The following SNX30 variants were observed in gnomAD, a reference collection of about 807,000 sequenced individuals.
SNX30 encodes sorting nexin-30.
A neutral mutation model predicts 46.4 loss-of-function variants in SNX30; 24 were observed. The ratio of observed to expected loss-of-function variants is 0.52; its 90% confidence interval spans 0.37 to 0.73. The LOEUF (loss-of-function observed/expected upper bound fraction) is 0.73, where lower values mean the gene tolerates loss of function less well. SNX30 is among the 30% of genes least tolerant of loss of function. The probability of loss-of-function intolerance (pLI) is 0.00; values close to 1 mark genes in which losing one functional copy is unlikely to be tolerated. For synonymous variants in SNX30, 189 were observed against 211.5 expected, an observed-to-expected ratio of 0.89 and a Z score of 0.92; for missense variants, 533 against 555.7, an observed-to-expected ratio of 0.96 and a Z score of 0.41.
intron 1 of SNX30, among the ~76,000 whole-genome samples, chr9:112,788,676 G>A (rs1291279536): frequency 6.6e-6 from 1 of 152,162 alleles, no homozygotes. Context: ...CTAGACCCTT[G>A]TGTGATTTTG....
chr9:112,816,646 A>G (rs895845350), intron 2 of SNX30, among the ~76,000 whole-genome samples: 9 of 152,214 alleles, frequency 5.9e-5, no homozygotes, highest in Non-Finnish European at 1.0e-4. Context: ...TTTTGATGCT[A>G]GAGCTGTTCA....
chr9:112,827,840 T>C (rs1056271629), intron 3 of SNX30, among the ~76,000 whole-genome samples: 4 of 152,198 alleles, frequency 2.6e-5, no homozygotes, highest in Admixed American at 2.6e-4. Flanking sequence ...ATTTACCACT[T>C]ACCGTATTAA....
chr9:112,778,783 T>C (rs891152486), intron 1 of SNX30, among the ~76,000 whole-genome samples: 14 of 152,288 alleles, frequency 9.2e-5, no homozygotes, highest in Non-Finnish European at 1.9e-4. Flanking sequence ...GTCCATGCTT[T>C]CTCACACCTT....
At chr9:112,864,142 TTTAATGTAGGGCTTTGG>T in intron 7 of SNX30, 88 bp from the exon 8 acceptor site, 1 of 1,253,684 alleles carries the variant, frequency 8.0e-7, no homozygotes, top group Admixed American at 2.0e-5. Flanking sequence ...TTGATAGCAT[TTTAATGTAGGGCTTTGG>T]CCTTTGACAA....
intron 2 of SNX30, 117 bp downstream of exon 2, chr9:112,805,084 C>CA: frequency 1.6e-6 from 1 of 607,444 alleles, no homozygotes; most frequent in Non-Finnish European, 2.7e-6. Flanking sequence ...ACCTTGATTG[C>CA]AATTGTGAGT....
downstream of SNX30, among the ~76,000 whole-genome samples, chr9:112,883,927 C>T (rs1204256318): frequency 1.3e-5 from 2 of 152,164 alleles, no homozygotes; most frequent in Non-Finnish European, 1.5e-5. Flanking sequence ...AAACTCCTGA[C>T]CTTATGATCC....
At chr9:112,776,967 C>T (rs2131371211) in intron 1 of SNX30, among the ~76,000 whole-genome samples, 1 of 152,230 alleles carries the variant, frequency 6.6e-6, no homozygotes, top group East Asian at 1.9e-4. Context: ...TGCTCACCGC[C>T]CCCTGCCTTC....
intron 1 of SNX30, among the ~76,000 whole-genome samples, chr9:112,768,653 T>TA: frequency 1.3e-5 from 1 of 79,644 alleles, no homozygotes; most frequent in South Asian, 4.3e-4. Context: ...TCTTCTTTTT[T>TA]TTTTTTTTTT....
intron 1 of SNX30, among the ~76,000 whole-genome samples, chr9:112,784,761 C>A (rs1839894687): frequency 6.6e-6 from 1 of 152,154 alleles, no homozygotes; most frequent in Non-Finnish European, 1.5e-5. Flanking sequence ...GAATCTAAAC[C>A]CGGGTCTCTT....
intron 1 of SNX30, among the ~76,000 whole-genome samples, chr9:112,758,674 T>C (rs1839390390): frequency 6.6e-6 from 1 of 152,028 alleles, no homozygotes; most frequent in Non-Finnish European, 1.5e-5. Context: ...GAGGTTACAG[T>C]TGTGAGCCAC....
chr9:112,855,394 G>C (rs1841106426), intron 7 of SNX30, among the ~76,000 whole-genome samples: 1 of 152,152 alleles, frequency 6.6e-6, no homozygotes, highest in South Asian at 2.1e-4. Flanking sequence ...AGATCCGAGG[G>C]AGTCTGGGGG....
At chr9:112,773,451 G>A (rs948105301) in intron 1 of SNX30, among the ~76,000 whole-genome samples, 3 of 151,720 alleles carry the variant, frequency 2.0e-5, no homozygotes, top group African/African-American at 4.8e-5. Context: ...GTGCAGTGGC[G>A]TGATTGTGGC....
chr9:112,814,208 C>T (rs1840362438), intron 2 of SNX30, among the ~76,000 whole-genome samples: 1 of 152,122 alleles, frequency 6.6e-6, no homozygotes. Context: ...AGAACTTACA[C>T]AAATGAAAAA....
intron 1 of SNX30, among the ~76,000 whole-genome samples, chr9:112,762,266 G>T (rs1013019127): frequency 3.3e-5 from 5 of 152,080 alleles, no homozygotes; most frequent in African/African-American, 1.2e-4. Flanking sequence ...AGTGGAAAAG[G>T]TGTTTGGGGG....
intron 3 of SNX30, among the ~76,000 whole-genome samples, chr9:112,829,219 G>T (rs1182357673): frequency 6.6e-6 from 1 of 151,962 alleles, no homozygotes; most frequent in Non-Finnish European, 1.5e-5. Context: ...GACTATTTGT[G>T]TACAAAATTT....
chr9:112,751,049 C>T lies in SNX30; in HGVS notation c.48C>T (p.Ser16=). 6.7e-7 allele frequency: 1 copy of T among 1,489,570 alleles called. No homozygotes were observed. Among genetic ancestry groups the T allele is most frequent in the Non-Finnish European group, 8.9e-7 (1 of 1,125,682 alleles). 92.3% of individuals were successfully genotyped at this position (1,489,570 alleles called of 1,614,324 possible). A position where few individuals can be genotyped will look rare whatever the true frequency, so the allele number is the denominator to read the frequency against. Residue 16 remains serine, a synonymous_variant, in exon 1 of 9, where the codon TCC becomes TCT. Coordinates refer to ENST00000374232, the MANE Select transcript of SNX30 (RefSeq NM_001012994.2). The part of the protein sequence containing the change: ...PKALPSTGPH[S]LRDMPHPLAG... ...CCCTGCCGTCCACGGGGCCCCACTC[C>T]CTGCGCGACATGCCGCACCCGCTGG...
chr9:112,850,764 T>G (rs976829546), intron 6 of SNX30, 95 bp from the exon 7 acceptor site: 4 of 866,772 alleles, frequency 4.6e-6, no homozygotes, highest in Admixed American at 2.2e-5. Flanking sequence ...AGGCCTTGAT[T>G]TGGGGAGGCG....
chr9:112,850,773 C>T (rs1841010491), intron 6 of SNX30, 86 bp from the exon 7 acceptor site: 14 of 950,012 alleles, frequency 1.5e-5, no homozygotes, highest in African/African-American at 3.2e-5. Context: ...TTTGGGGAGG[C>T]GTGGGGGAAA....
intron 1 of SNX30, among the ~76,000 whole-genome samples, chr9:112,798,146 A>C (rs1457770696): frequency 2.1e-4 from 4 of 19,116 alleles, no homozygotes; most frequent in Non-Finnish European, 2.1e-4. Flanking sequence ...TTTTTATTAT[A>C]CTCTAAGTTT....
Sources: gnomAD v4.1 joint callset for allele counts (sites outside exome capture counted in the v4.1 genomes callset) on GRCh38, gnomAD v4.1.1 for gene constraint, MANE v1.5 for transcripts, NCBI Gene and HGNC (gene_info 2026-07-23, HGNC 2026-07-21) for gene names.